SFXN1: variants seen among roughly 807,000 people sequenced by gnomAD.
SFXN1 encodes sideroflexin 1, also known as sideroflexin-1.
A neutral mutation model predicts 39.5 loss-of-function variants in SFXN1; 32 were observed. The ratio of observed to expected loss-of-function variants is 0.81; its 90% confidence interval spans 0.61 to 1.09. The LOEUF is 1.09. SFXN1 is among the 50% of genes least tolerant of loss of function. The pLI, the probability that SFXN1 is intolerant of heterozygous loss-of-function variation, is 0.00. For missense variants in SFXN1, 402 were observed against 407.1 expected, an observed-to-expected ratio of 0.99 and a Z score of 0.11; for synonymous variants, 136 against 146.5, an observed-to-expected ratio of 0.93 and a Z score of 0.52.
chr5:175,481,829 A>G (rs1267416475), intron 1 of SFXN1, among the ~76,000 whole-genome samples: 1 of 152,066 alleles, frequency 6.6e-6, no homozygotes, highest in East Asian at 1.9e-4. Flanking sequence ...ACAGAATTCA[A>G]CTCTCTGATC....
rs267392 is a variant in SFXN1 at position 175,487,681 on chromosome 5, A to G, written c.-9-4414A>G. ...CTTTAAATATAATCTCTGTCTGACA[A>G]CTCCCACGGATAATCTCCAGATTAC... is the stretch of plus-strand genomic sequence containing the variant. On this transcript the variant is annotated intron_variant, in intron 1 of 10. Coordinates refer to ENST00000321442, the MANE Select transcript of SFXN1 (RefSeq NM_022754.7). 9.4e-3 allele frequency among the ~76,000 whole-genome samples: 1,419 copies of G among 151,664 alleles called. 28 individuals carry two copies. The highest frequency in any genetic ancestry group is 0.033 in the African/African-American group (1,374 of 41,300).
intron 2 of SFXN1, among the ~76,000 whole-genome samples, chr5:175,497,868 T>C (rs1759913464): frequency 6.7e-6 from 1 of 149,994 alleles, no homozygotes; most frequent in African/African-American, 2.5e-5. Flanking sequence ...AGGCGGAGGT[T>C]GTAGTGAGCC....
intron 1 of SFXN1, among the ~76,000 whole-genome samples, chr5:175,488,489 A>T (rs1193671974): frequency 6.6e-6 from 1 of 152,010 alleles, no homozygotes; most frequent in African/African-American, 2.4e-5. Flanking sequence ...TTTAGTAGAG[A>T]CAGGGTTTCT....
chr5:175,496,941 G>C (rs1349017046), intron 2 of SFXN1, among the ~76,000 whole-genome samples: 1 of 151,652 alleles, frequency 6.6e-6, no homozygotes, highest in Non-Finnish European at 1.5e-5. Context: ...ACCCAGGCTA[G>C]AGTGCAGTGG....
intron 1 of SFXN1, among the ~76,000 whole-genome samples, chr5:175,491,137 T>G (rs1338620297): frequency 6.6e-6 from 1 of 152,262 alleles, no homozygotes; most frequent in Non-Finnish European, 1.5e-5. Context: ...AAAAAAGTAA[T>G]GGCTCTTTAG....
At chr5:175,521,883 TA>T in intron 8 of SFXN1, 35 bp from the exon 9 acceptor site, 1 of 1,561,180 alleles carries the variant, frequency 6.4e-7, no homozygotes, top group Non-Finnish European at 8.8e-7. Context: ...AGACCCTGTA[TA>T]AAAAGTATTC....
intron 2 of SFXN1, among the ~76,000 whole-genome samples, chr5:175,496,057 C>T (rs1479342238): frequency 1.3e-5 from 2 of 151,414 alleles, no homozygotes. Context: ...CGCACCACCA[C>T]ACCTGGCTAA....
chr5:175,498,031 T>C (rs935633167), intron 2 of SFXN1, among the ~76,000 whole-genome samples: 5 of 149,704 alleles, frequency 3.3e-5, no homozygotes, highest in African/African-American at 9.9e-5. Context: ...AGAATTTTTA[T>C]GCTGTTTTAA....
chr5:175,523,206 C>T (rs1760933631), intron 10 of SFXN1: 1 of 152,320 alleles, frequency 6.6e-6, no homozygotes, highest in East Asian at 1.9e-4. Context: ...TATCTGCTCT[C>T]CCACTCTGTC....
intron 2 of SFXN1, among the ~76,000 whole-genome samples, chr5:175,506,613 A>G (rs1001769551): frequency 9.2e-5 from 14 of 152,224 alleles, no homozygotes; most frequent in Non-Finnish European, 1.5e-4. Flanking sequence ...TATATATTAC[A>G]GTATCTTATA....
chr5:175,527,565 T>A lies in SFXN1; in HGVS notation c.*831T>A, dbSNP rs550899264. On this transcript the variant is annotated 3_prime_UTR_variant, in exon 11 of 11. Transcript: ENST00000321442. ...ACCAATGCTGTATGAGTGGGCTGAA[T>A]CCAGTTCATTGTTTTTTTTTTGGTA... is the stretch of plus-strand genomic sequence containing the variant. 1.3e-5 allele frequency: 2 copies of A among 152,276 alleles called. No individual in the cohort carries two copies. Among genetic ancestry groups the A allele is most frequent in the South Asian group, 4.1e-4 (2 of 4,832 alleles). The allele number at this position is 152,276 out of a possible 1,614,324, so 9.4% of individuals were successfully genotyped here.
intron 2 of SFXN1, among the ~76,000 whole-genome samples, chr5:175,498,766 T>C (rs1468232897): frequency 6.6e-6 from 1 of 152,130 alleles, no homozygotes; most frequent in African/African-American, 2.4e-5. Context: ...TATAACATTC[T>C]ATGAATACAG....
Position 175,492,095 on chromosome 5 carries a change from T to G in SFXN1, c.-9T>G. The G allele has an allele frequency of 6.2e-7, 1 of 1,611,754 alleles. No individual in the cohort carries two copies. ...AACTTGCCTTTTTGACTCTTTGCAG[T>G]CCGGGACCATGTCTGGAGAACTACC... On this transcript the variant is annotated splice_region_variant and 5_prime_UTR_variant, in exon 2 of 11. Coordinates refer to ENST00000321442, the MANE Select transcript of SFXN1 (RefSeq NM_022754.7).
At chr5:175,478,901 C>T (rs2113239615) in intron 1 of SFXN1, among the ~76,000 whole-genome samples, 1 of 152,266 alleles carries the variant, frequency 6.6e-6, no homozygotes, top group Non-Finnish European at 1.5e-5. Flanking sequence ...TCCCGTGGGC[C>T]TCGTCCCCGG....
chr5:175,499,245 A>T (rs1327864782), intron 2 of SFXN1, among the ~76,000 whole-genome samples: 1 of 146,850 alleles, frequency 6.8e-6, no homozygotes, highest in Non-Finnish European at 1.5e-5. Flanking sequence ...ACAGAGTGAG[A>T]CTCTGTCTCA....
chr5:175,522,229 C>A, intron 9 of SFXN1, 146 bp from the exon 10 acceptor site: 1 of 830,340 alleles, frequency 1.2e-6, no homozygotes, highest in Non-Finnish European at 1.8e-6. Context: ...GGTAATAAAA[C>A]TTACACAAAC....
At chr5:175,521,230 C>T (rs951535393) in intron 8 of SFXN1, among the ~76,000 whole-genome samples, 4 of 141,326 alleles carry the variant, frequency 2.8e-5, no homozygotes, top group Middle Eastern at 3.6e-3. Flanking sequence ...CTCCAGAAGA[C>T]CAACCAACTT....
chr5:175,490,856 A>G (rs1463851221), intron 1 of SFXN1, among the ~76,000 whole-genome samples: 1 of 150,892 alleles, frequency 6.6e-6, no homozygotes, highest in Non-Finnish European at 1.5e-5. Context: ...AAGTGCAAAA[A>G]AAACAAGATC....
In SFXN1 at chr5:175,524,128, ATATATATATAT is replaced by A. The variant is rs1561678588; in HGVS notation, c.872+1707_872+1717del. On this transcript the variant is annotated intron_variant, in intron 10 of 10. Transcript: ENST00000321442. Reference sequence around the variant, plus strand: ...CAAAAAAAAAAAAAAAAAAAAAAATATATATATATATATATATATATATATATATATATATA... The same window carrying A: ...CAAAAAAAAAAAAAAAAAAAAAAATAATATATATATATATATATATATATA... 7.8e-3 allele frequency: 144 copies of A among 18,370 alleles called. 1 individual carries two copies. Among genetic ancestry groups the A allele is most frequent in the South Asian group, 0.043 (12 of 276 alleles). 1.1% of individuals were successfully genotyped at this position (18,370 alleles called of 1,614,324 possible).
Sources: gnomAD v4.1 joint callset for allele counts (sites outside exome capture counted in the v4.1 genomes callset) on GRCh38, gnomAD v4.1.1 for gene constraint, MANE v1.5 for transcripts, NCBI Gene and HGNC (gene_info 2026-07-23, HGNC 2026-07-21) for gene names.